Variants in ADAMTS14 observed in about 807,000 individuals in gnomAD.
ADAMTS14 encodes the protein ADAM metallopeptidase with thrombospondin type 1 motif 14.
In ADAMTS14, 100 loss-of-function variants were observed where a neutral mutation model predicts 128.6. The ratio of observed to expected loss-of-function variants is 0.78; its 90% CI spans 0.66 to 0.92. ADAMTS14 has a LOEUF of 0.92. Ranked by LOEUF, ADAMTS14 falls within the 40% of genes least tolerant of loss-of-function variation. The pLI, the probability that ADAMTS14 is intolerant of heterozygous loss-of-function variation, is 0.00. For missense variants in ADAMTS14, 1,562 were observed against 1,658.6 expected (o/e 0.94, Z 1.01); for synonymous variants, 665 against 653.8 (o/e 1.02, Z -0.26).
At chr10:70,721,510 C>T (rs756186187) in intron 4 of ADAMTS14, among the ~76,000 whole-genome samples, 7 of 151,578 alleles carry the variant, frequency 4.6e-5, no homozygotes, top group East Asian at 2.0e-4. Context: ...CTCAGCCTCC[C>T]GAGTAGCTAG....
At chr10:70,704,243 G>A (rs372752069) in intron 3 of ADAMTS14, among the ~76,000 whole-genome samples, 27 of 152,126 alleles carry the variant, frequency 1.8e-4, no homozygotes, top group African/African-American at 5.6e-4. Flanking sequence ...GGAGTCTGAG[G>A]TGCACCAGTG....
chr10:70,757,832 C>T, intron 19 of ADAMTS14, 130 bp from the exon 20 acceptor site: 1 of 1,362,624 alleles, frequency 7.3e-7, no homozygotes, highest in East Asian at 2.3e-5. Context: ...CAAGTGAAGA[C>T]TTGGTGCTCT....
At chr10:70,691,743 C>G (rs1038105729) in intron 2 of ADAMTS14, among the ~76,000 whole-genome samples, 4 of 152,104 alleles carry the variant, frequency 2.6e-5, no homozygotes, top group African/African-American at 7.2e-5. Flanking sequence ...AGGCTTCCCC[C>G]ACGCTGGATC....
At chr10:70,743,455 C>T (rs1842067155) in intron 12 of ADAMTS14, 93 bp from the exon 13 acceptor site, 2 of 1,454,004 alleles carry the variant, frequency 1.4e-6, no homozygotes, top group Non-Finnish European at 1.8e-6. Context: ...CAGAGCTGGC[C>T]CCGGAGCTTT....
intron 4 of ADAMTS14, among the ~76,000 whole-genome samples, chr10:70,725,061 G>A (rs1021449230): frequency 1.3e-5 from 2 of 151,546 alleles, no homozygotes. Flanking sequence ...TGTGAGTTCA[G>A]GATTCTAGGT....
chr10:70,758,970 G>C (rs978731005), intron 21 of ADAMTS14, among the ~76,000 whole-genome samples: 1 of 152,084 alleles, frequency 6.6e-6, no homozygotes, highest in Admixed American at 6.5e-5. Flanking sequence ...CCTAGGACCA[G>C]GGTCTGGCAA....
intron 16 of ADAMTS14, among the ~76,000 whole-genome samples, chr10:70,751,112 G>A (rs892991669): frequency 6.6e-5 from 10 of 152,318 alleles, no homozygotes; most frequent in East Asian, 1.9e-4. Context: ...GTCAGTATCC[G>A]AACCATTCTT....
At chr10:70,734,141 G>C (rs77978954) in intron 8 of ADAMTS14, 113 bp downstream of exon 8, 1 of 1,395,130 alleles carries the variant, frequency 7.2e-7, no homozygotes, top group Non-Finnish European at 9.7e-7. Context: ...TGACTCTTCC[G>C]TGACTCATCT....
chr10:70,710,930 C>T (rs779137807), intron 4 of ADAMTS14, among the ~76,000 whole-genome samples: 5 of 152,274 alleles, frequency 3.3e-5, no homozygotes, highest in Non-Finnish European at 7.4e-5. Context: ...ATTGGTAGGG[C>T]GCTGCCTGGG....
At chr10:70,707,314 C>T (rs1840697918) in intron 3 of ADAMTS14, among the ~76,000 whole-genome samples, 1 of 152,228 alleles carries the variant, frequency 6.6e-6, no homozygotes, top group Admixed American at 6.5e-5. Context: ...GGCCTCTTCA[C>T]ATCCTCAGTC....
chr10:70,744,021 G>T (rs573831486), intron 13 of ADAMTS14, 45 bp from the exon 14 acceptor site: 3 of 1,543,682 alleles, frequency 1.9e-6, no homozygotes, highest in Middle Eastern at 1.7e-4. Context: ...GGGTGGCGGT[G>T]GGGGCAGGGG....
chr10:70,696,500 C>T (rs982336230), intron 2 of ADAMTS14, among the ~76,000 whole-genome samples: 7 of 152,056 alleles, frequency 4.6e-5, no homozygotes, highest in African/African-American at 1.7e-4. Context: ...ACAGTAGGCA[C>T]CTGTGTGCAC....
intron 7 of ADAMTS14, 106 bp from the exon 8 acceptor site, chr10:70,733,779 G>A: frequency 1.4e-6 from 2 of 1,399,020 alleles, no homozygotes; most frequent in Non-Finnish European, 1.9e-6. Context: ...AGCGATCTGA[G>A]CTCCGGGTCA....
chr10:70,740,935 T>C (rs1238675271), intron 11 of ADAMTS14, 52 bp from the exon 12 acceptor site: 1 of 1,588,164 alleles, frequency 6.3e-7, no homozygotes, highest in Non-Finnish European at 8.6e-7. Context: ...AACCTGGCCC[T>C]CCCCAGCCTT....
At chr10:70,752,868 G>T (rs913776983) in intron 18 of ADAMTS14, among the ~76,000 whole-genome samples, 8 of 152,114 alleles carry the variant, frequency 5.3e-5, no homozygotes, top group African/African-American at 1.9e-4. Context: ...AGCGCTAGAG[G>T]CTGCTGTGGC....
In ADAMTS14 at chr10:70,741,051, G is replaced by A. The variant is rs1187767183; in HGVS notation, c.1813G>A (p.Glu605Lys). Reference protein sequence around the residue: ...MFEYQVCNSEECPGTYEDFRA... With the variant: ...MFEYQVCNSEKCPGTYEDFRA... ...CGAGTACCAGGTCTGCAACAGCGAG[G>A]AGTGCCCTGGGACCTACGAGGACTT... Residue 605 changes from glutamate (E) to lysine (K), a missense_variant, in exon 12 of 22, where the codon GAG becomes AAG. Physicochemically the swap from Glu to Lys is moderately conservative, Grantham distance 56 (BLOSUM62 1). Transcript: ENST00000373207. 1.9e-6 allele frequency: 3 copies of A among 1,614,028 alleles called. No homozygotes were observed. The highest frequency in any genetic ancestry group is 4.5e-5 in the East Asian group (2 of 44,892).
intron 2 of ADAMTS14, among the ~76,000 whole-genome samples, chr10:70,692,945 AAAG>A (rs1183849956): frequency 4.6e-5 from 7 of 152,150 alleles, no homozygotes; most frequent in Admixed American, 3.9e-4. Context: ...GGCAATTTAT[AAAG>A]AAGAATTTTA....
At chr10:70,747,477 C>T (rs572564844) in intron 15 of ADAMTS14, among the ~76,000 whole-genome samples, 6 of 141,870 alleles carry the variant, frequency 4.2e-5, no homozygotes, top group Non-Finnish European at 6.2e-5. Context: ...AATTAGGGGC[C>T]GGGGGAGGGA....
At chr10:70,677,185 T>C (rs915672112) in intron 2 of ADAMTS14, among the ~76,000 whole-genome samples, 1 of 152,152 alleles carries the variant, frequency 6.6e-6, no homozygotes, top group African/African-American at 2.4e-5. Flanking sequence ...TGAAGCACGA[T>C]CACATGGCTA....
Sources: allele counts gnomAD v4.1 joint callset (sites outside exome capture counted in the v4.1 genomes callset), GRCh38; gene constraint gnomAD v4.1.1; transcripts MANE v1.5; gene names NCBI Gene and HGNC (gene_info 2026-07-23, HGNC 2026-07-21).